Variants in DAG1 observed in about 807,000 individuals in gnomAD.
DAG1 encodes the protein dystroglycan 1.
In DAG1, 8 loss-of-function variants were observed where a neutral mutation model predicts 46.1. The ratio of observed to expected loss-of-function variants is 0.17; its 90% CI spans 0.10 to 0.31. The LOEUF (loss-of-function observed/expected upper bound fraction) is 0.31, where lower values mean the gene tolerates loss of function less well. Ranked by LOEUF, DAG1 falls within the 10% of genes least tolerant of loss-of-function variation. DAG1 has a pLI of 1.00. For missense variants in DAG1, 1,003 were observed against 1,189.9 expected, an observed-to-expected ratio of 0.84 and a Z score of 2.31; for synonymous variants, 495 against 481.8, an observed-to-expected ratio of 1.03 and a Z score of -0.36.
chr3:49,523,192 G>C (rs902228678), intron 2 of DAG1, among the ~76,000 whole-genome samples: 2 of 152,188 alleles, frequency 1.3e-5, no homozygotes, highest in Admixed American at 6.5e-5. Flanking sequence ...GCAAACCAAG[G>C]ACTCTAAGGA....
At chr3:49,514,434 A>G (rs1174722755) in intron 2 of DAG1, among the ~76,000 whole-genome samples, 3 of 152,202 alleles carry the variant, frequency 2.0e-5, no homozygotes, top group Non-Finnish European at 4.4e-5. Context: ...AGACGTCTTA[A>G]CATATTAGAC....
chr3:49,490,365 GT>G (rs367871714), intron 1 of DAG1, among the ~76,000 whole-genome samples: 194 of 142,562 alleles, frequency 1.4e-3, no homozygotes, highest in African/African-American at 4.0e-3. Context: ...AAAAAAAAAA[GT>G]TTTTTTTTTT....
At chr3:49,518,786 AG>A (rs1346766587) in intron 2 of DAG1, among the ~76,000 whole-genome samples, 1 of 152,234 alleles carries the variant, frequency 6.6e-6, no homozygotes, top group African/African-American at 2.4e-5. Context: ...ACGTGTGAGA[AG>A]GGGCTATGGG....
Position 49,534,774 on chromosome 3 carries a change from TTCTTGATG to T in DAG1, c.*1579_*1586del, listed in dbSNP as rs1485923140. 1 of 152,650 alleles carries T rather than the reference TTCTTGATG, an allele frequency of 6.6e-6. No individual in the cohort carries two copies. Among genetic ancestry groups the T allele is most frequent in the Admixed American group, 6.5e-5 (1 of 15,286 alleles). The allele number at this position is 152,650 out of a possible 1,614,324, so 9.5% of individuals were successfully genotyped here. A position where few individuals can be genotyped will look rare whatever the true frequency, so the allele number is the denominator to read the frequency against. On this transcript the variant is annotated 3_prime_UTR_variant, in exon 3 of 3. Transcript: ENST00000308775. ...GAAGAAACCATTTTGAGCATGACTT[TTCTTGATG>T]TCTGAAGCGTTATTTTGGGTACTTT...
intron 2 of DAG1, among the ~76,000 whole-genome samples, chr3:49,520,313 C>T (rs2050995196): frequency 6.6e-6 from 1 of 152,194 alleles, no homozygotes; most frequent in African/African-American, 2.4e-5. Context: ...TGAGTCAGCA[C>T]CAAGGCTGAT....
chr3:49,505,336 C>G (rs549489198), intron 1 of DAG1, among the ~76,000 whole-genome samples: 4 of 152,060 alleles, frequency 2.6e-5, no homozygotes, highest in Non-Finnish European at 5.9e-5. Context: ...TCCTGGGTTC[C>G]TCCGTCAGCC....
At chr3:49,477,243 C>T (rs772008256) in intron 1 of DAG1, among the ~76,000 whole-genome samples, 2 of 152,014 alleles carry the variant, frequency 1.3e-5, no homozygotes, top group Admixed American at 6.6e-5. Context: ...GTGATCTGCC[C>T]GCCTCGGCCT....
Position 49,532,715 on chromosome 3 carries a change from A to C in DAG1, c.2204A>C (p.Glu735Ala). 1 of 1,614,122 alleles carries C rather than the reference A, an allele frequency of 6.2e-7. No individual in the cohort carries two copies. The highest frequency in any genetic ancestry group is 8.5e-7 in the Non-Finnish European group (1 of 1,180,024). The change falls in exon 3 of 3, where the codon GAA becomes GCA. Residue 735 changes from glutamate (E) to alanine (A), a missense_variant. Glu to Ala is a moderately radical substitution (Grantham distance 107). This residue lies in a region of DAG1 where 755 missense variants were observed against 854.1 expected (regional missense o/e 0.88). Transcript: ENST00000308775. The surrounding 1 kb of genome is among the most constrained non-coding windows in gnomAD (Gnocchi z 5.4). ...GTGCCCTCAGAGGCGCCGCCCACAG[A>C]AGTGCCTGACAGGGACCCTGAGAAG... ...RRVPSEAPPT[E>A]VPDRDPEKSS... is the part of the protein sequence containing the mutation.
chr3:49,489,869 T>C (rs993451261), intron 1 of DAG1, among the ~76,000 whole-genome samples: 4 of 152,048 alleles, frequency 2.6e-5, no homozygotes, highest in Admixed American at 2.6e-4. Flanking sequence ...GGAATCCAGA[T>C]TCCTACTGGA....
At chr3:49,478,883 G>A (rs144728125) in intron 1 of DAG1, among the ~76,000 whole-genome samples, 1,601 of 129,266 alleles carry the variant, frequency 0.012, 31 homozygotes, top group African/African-American at 0.045. Flanking sequence ...GCGTAATCTC[G>A]GCTCATTGCA....
At chr3:49,512,303 A>G (rs564164488) in intron 2 of DAG1, among the ~76,000 whole-genome samples, 30 of 152,294 alleles carry the variant, frequency 2.0e-4, no homozygotes, top group African/African-American at 7.0e-4. Flanking sequence ...CCTGGGTTCA[A>G]GTGATTCTCC....
At chr3:49,526,268 C>G (rs974816503) in intron 2 of DAG1, among the ~76,000 whole-genome samples, 1 of 152,214 alleles carries the variant, frequency 6.6e-6, no homozygotes, top group African/African-American at 2.4e-5. Flanking sequence ...TCCCCCAGAC[C>G]CCACCTCCAA....
At chr3:49,493,204 C>G (rs927434954) in intron 1 of DAG1, among the ~76,000 whole-genome samples, 1 of 151,816 alleles carries the variant, frequency 6.6e-6, no homozygotes, top group South Asian at 2.1e-4. Context: ...TCACCACACT[C>G]AGCCAATTTT....
At chr3:49,513,297 G>A (rs2050810941) in intron 2 of DAG1, among the ~76,000 whole-genome samples, 1 of 152,074 alleles carries the variant, frequency 6.6e-6, no homozygotes, top group African/African-American at 2.4e-5. Context: ...GGCTGCTTAG[G>A]TGTCCTCAAA....
At chr3:49,529,935 G>C (rs1043776233) in intron 2 of DAG1, among the ~76,000 whole-genome samples, 2 of 152,170 alleles carry the variant, frequency 1.3e-5, no homozygotes, top group Non-Finnish European at 2.9e-5. Flanking sequence ...GGGAGATGCT[G>C]TTGAGTTGGA....
chr3:49,508,868 G>T (rs2050685667), intron 1 of DAG1, among the ~76,000 whole-genome samples: 2 of 152,162 alleles, frequency 1.3e-5, no homozygotes, highest in Admixed American at 6.5e-5. Context: ...CATTGTTACA[G>T]TTGCCACATG....
At position 49,533,563 on chromosome 3, in the gene DAG1, T is replaced by C. The variant is rs2051431282; in HGVS notation, c.*364T>C. ...AGTGCCGGGCGGCCCCCTGGCTCTCTGCGTTTTGCCTTTAACACTAACTGT... is the reference window on the plus strand; with the variant it reads ...AGTGCCGGGCGGCCCCCTGGCTCTCCGCGTTTTGCCTTTAACACTAACTGT... On this transcript the variant is annotated 3_prime_UTR_variant, in exon 3 of 3. Coordinates refer to ENST00000308775, the MANE Select transcript of DAG1 (RefSeq NM_004393.6). 1 of 448,796 alleles carries C rather than the reference T, an allele frequency of 2.2e-6. No homozygotes were observed. Among genetic ancestry groups the C allele is most frequent in the Non-Finnish European group, 4.2e-6 (1 of 238,272 alleles). 27.8% of individuals were successfully genotyped at this position (448,796 alleles called of 1,614,324 possible).
At chr3:49,523,572 C>G (rs1559572485) in intron 2 of DAG1, among the ~76,000 whole-genome samples, 1 of 152,130 alleles carries the variant, frequency 6.6e-6, no homozygotes, top group Non-Finnish European at 1.5e-5. Flanking sequence ...TTGCCTGTTG[C>G]CTCCCCACTT....
At position 49,520,992 on chromosome 3, in the gene DAG1, C is replaced by T. The variant is rs1020990222; in HGVS notation, c.286-9805C>T. On this transcript the variant is annotated intron_variant, in intron 2 of 2. Transcript: ENST00000308775. ...CTAATTCTTCAGTTTTGTTTTTCAG[C>T]TATGCATAACTGACTCAGACTATGG... Among the ~76,000 whole-genome samples the T allele has an allele frequency of 9.9e-5, 15 of 152,090 alleles. 1 individual carries two copies. The highest frequency in any genetic ancestry group is 3.4e-4 in the African/African-American group (14 of 41,414).
Sources: gnomAD v4.1 joint callset for allele counts (sites outside exome capture counted in the v4.1 genomes callset) on GRCh38, gnomAD v4.1.1 for gene constraint, gnomAD v4.1.1 regional missense constraint, Gnocchi (gnomAD v3.1) non-coding constraint, MANE v1.5 for transcripts, NCBI Gene and HGNC (gene_info 2026-07-23, HGNC 2026-07-21) for gene names.